Variants in NAXD observed in about 807,000 individuals in gnomAD.
The protein encoded by NAXD is NAD(P)HX dehydratase, also known as ATP-dependent (S)-NAD(P)H-hydrate dehydratase.
Under a neutral mutation model 35.8 loss-of-function variants are expected in NAXD, and 22 were observed. The ratio of observed to expected loss-of-function variants is 0.62; its 90% CI spans 0.44 to 0.88. The LOEUF is 0.88. NAXD is among the 40% of genes least tolerant of loss of function. The pLI is 0.00. For missense variants in NAXD, 428 were observed against 437.7 expected (o/e 0.98, Z 0.20); for synonymous variants, 189 against 177.6 (o/e 1.06, Z -0.51).
In NAXD at chr13:110,638,871, G is replaced by T. The variant is rs11551103; in HGVS notation, c.*343G>T. The T allele has an allele frequency of 0.015, 6,429 of 415,554 alleles. 76 individuals carry two copies. The highest frequency in any genetic ancestry group is 0.024 in the Middle Eastern group (33 of 1,350). The allele number at this position is 415,554 out of a possible 1,614,324, so 25.7% of individuals were successfully genotyped here. A position where few individuals can be genotyped will look rare whatever the true frequency, so the allele number is the denominator to read the frequency against. On this transcript the variant is annotated 3_prime_UTR_variant, in exon 10 of 10. Coordinates refer to ENST00000680254, the MANE Select transcript of NAXD (RefSeq NM_001242882.2). This position sits in a 1 kb window ranked among gnomAD's most constrained non-coding sequence, Gnocchi z 5.4. ...TTTCTCGGCCTGCTCCCAGATCGGCGAAGTTTCTACTTGTTACTCTCTCTG... is the reference window on the plus strand; with the variant it reads ...TTTCTCGGCCTGCTCCCAGATCGGCTAAGTTTCTACTTGTTACTCTCTCTG...
rs754321863 is a variant in NAXD at position 110,622,249 on chromosome 13, A to C, written c.80A>C (p.His27Pro). 2.5e-6 allele frequency: 4 copies of C among 1,613,942 alleles called. No individual in the cohort carries two copies. Among genetic ancestry groups the C allele is most frequent in the Non-Finnish European group, 2.5e-6 (3 of 1,179,980 alleles). The change falls in exon 2 of 10, where the codon CAT becomes CCT. Residue 27 changes from histidine to proline, a missense_variant. Physicochemically the swap from His to Pro is moderately conservative, Grantham distance 77 (BLOSUM62 -2). Coordinates refer to ENST00000680254, the MANE Select transcript of NAXD (RefSeq NM_001242882.2). ...LERAFSLRKA[H>P]SIKDMENTLQ... is the part of the protein sequence containing the mutation. ...AGAGCGTTTTCGCTACGTAAAGCAC[A>C]TTCGATAAAGGATATGGAAAATACT... is the stretch of plus-strand genomic sequence containing the variant.
At chr13:110,622,137 G>A (rs1353586755) in intron 1 of NAXD, 79 bp from the exon 2 acceptor site, 1 of 1,159,898 alleles carries the variant, frequency 8.6e-7, no homozygotes, top group African/African-American at 1.5e-5. Context: ...CTTTGGAGAG[G>A]GTTTTGGTTA....
At chr13:110,633,698 TGGCTC>T (rs1886809241) in intron 5 of NAXD, among the ~76,000 whole-genome samples, 1 of 152,116 alleles carries the variant, frequency 6.6e-6, no homozygotes, top group African/African-American at 2.4e-5. Flanking sequence ...CACAATGTAT[TGGCTC>T]ATAATAATAA....
At chr13:110,635,699 T>C (rs1277070981) in intron 8 of NAXD, 111 bp downstream of exon 8, 1 of 1,233,740 alleles carries the variant, frequency 8.1e-7, no homozygotes, top group African/African-American at 1.5e-5. Context: ...TTCACACACA[T>C]TCACACAGGG....
chr13:110,619,283 C>A (rs1302689660), intron 1 of NAXD, among the ~76,000 whole-genome samples: 1 of 152,060 alleles, frequency 6.6e-6, no homozygotes, highest in Admixed American at 6.5e-5. Flanking sequence ...ATTTAAGATA[C>A]AGATGTTTGT....
chr13:110,617,040 C>A (rs2139623151), intron 1 of NAXD, among the ~76,000 whole-genome samples: 1 of 152,308 alleles, frequency 6.6e-6, no homozygotes, highest in East Asian at 1.9e-4. Context: ...TAAATTCACA[C>A]ACCGTGATTA....
intron 8 of NAXD, among the ~76,000 whole-genome samples, chr13:110,636,674 T>C (rs1328950011): frequency 6.6e-6 from 1 of 152,250 alleles, no homozygotes; most frequent in Admixed American, 6.5e-5. Flanking sequence ...TACGTGACGT[T>C]ATGAGGCCGG....
At chr13:110,632,432 G>A (rs1281097442) in intron 5 of NAXD, among the ~76,000 whole-genome samples, 3 of 152,150 alleles carry the variant, frequency 2.0e-5, no homozygotes, top group East Asian at 1.9e-4. Context: ...ATGCTGGCTC[G>A]GGCAGCCTGC....
At chr13:110,615,888 C>A in intron 1 of NAXD, 1 of 890,288 alleles carries the variant, frequency 1.1e-6, no homozygotes, top group Non-Finnish European at 1.5e-6. Context: ...AGGGAGAGGA[C>A]GGAGGCCTCC....
intron 5 of NAXD, among the ~76,000 whole-genome samples, chr13:110,632,562 C>G (rs530953230): frequency 6.6e-5 from 10 of 152,142 alleles, no homozygotes; most frequent in Admixed American, 5.9e-4. Context: ...AGGTTCTCCA[C>G]GTCCCCATCA....
chr13:110,619,150 C>T lies in NAXD; in HGVS notation c.47-3066C>T, dbSNP rs140191355. The stretch of plus-strand genomic sequence containing the variant: ...CTTTCCGGTAATGTATAGGTTATTT[C>T]AACTATGAGGCAAAGTGCAAATGGG... On this transcript the variant is annotated intron_variant, in intron 1 of 9. Transcript: ENST00000680254. Among the ~76,000 whole-genome samples the T allele has an allele frequency of 2.6e-3, 390 of 152,320 alleles. 4 individuals are homozygous for T. Among genetic ancestry groups the T allele is most frequent in the African/African-American group, 9.1e-3 (380 of 41,572 alleles).
chr13:110,617,045 T>C (rs1207215177), intron 1 of NAXD, among the ~76,000 whole-genome samples: 2 of 152,166 alleles, frequency 1.3e-5, no homozygotes, highest in Non-Finnish European at 2.9e-5. Context: ...TCACACACCG[T>C]GATTAGTAGC....
At chr13:110,620,694 A>AT (rs1331694395) in intron 1 of NAXD, among the ~76,000 whole-genome samples, 6 of 152,220 alleles carry the variant, frequency 3.9e-5, no homozygotes, top group African/African-American at 9.7e-5. Context: ...CATAAAGAAA[A>AT]TTCCTTCAAA....
intron 1 of NAXD, among the ~76,000 whole-genome samples, chr13:110,618,309 G>A (rs112485557): frequency 0.01 from 1,524 of 152,192 alleles, 16 homozygotes; most frequent in African/African-American, 0.02. Context: ...CAGCCCTTAC[G>A]GTAGCATCAT....
intron 4 of NAXD, among the ~76,000 whole-genome samples, chr13:110,625,692 C>T (rs1163020254): frequency 6.6e-6 from 1 of 152,228 alleles, no homozygotes; most frequent in Admixed American, 6.5e-5. Context: ...AAACCTGCCC[C>T]CGTGGGGCTC....
chr13:110,625,273 A>G lies in NAXD; in HGVS notation c.327A>G (p.Pro109=), dbSNP rs1325212701. The G allele has an allele frequency of 1.2e-6, 2 of 1,609,820 alleles. No homozygotes were observed. Among genetic ancestry groups the G allele is most frequent in the African/African-American group, 1.3e-5 (1 of 74,838 alleles). ...ACAGCCCGGAGCTGATCGTCCACCC[A>G]GTTCTGTGAGTCGCTCTGCGCCGGC... ...KAYSPELIVH[P]VLDSPNAVHE... The change falls in exon 4 of 10, where the codon CCA becomes CCG. Residue 109 remains proline (P), a synonymous_variant. Coordinates refer to ENST00000680254, the MANE Select transcript of NAXD (RefSeq NM_001242882.2).
intron 5 of NAXD, among the ~76,000 whole-genome samples, chr13:110,631,031 C>T (rs1886677791): frequency 6.6e-6 from 1 of 152,172 alleles, no homozygotes; most frequent in African/African-American, 2.4e-5. Context: ...GTGGAATAGG[C>T]AGCCGCAACT....
At chr13:110,620,896 C>A (rs894445306) in intron 1 of NAXD, among the ~76,000 whole-genome samples, 24 of 152,272 alleles carry the variant, frequency 1.6e-4, no homozygotes, top group African/African-American at 5.8e-4. Flanking sequence ...TTGCAAAGAT[C>A]CTTTCATTCT....
At chr13:110,635,031 G>A (rs1293847098) in intron 7 of NAXD, among the ~76,000 whole-genome samples, 2 of 143,538 alleles carry the variant, frequency 1.4e-5, no homozygotes, top group Non-Finnish European at 3.0e-5. Context: ...AGGTCACTTT[G>A]TCTGTGTCCT....
Sources: allele counts gnomAD v4.1 joint callset (sites outside exome capture counted in the v4.1 genomes callset), GRCh38; gene constraint gnomAD v4.1.1; non-coding constraint Gnocchi (gnomAD v3.1); transcripts MANE v1.5; gene names NCBI Gene and HGNC (gene_info 2026-07-23, HGNC 2026-07-21).